METRNL: variants seen among roughly 807,000 people sequenced by gnomAD.
The protein encoded by METRNL is meteorin-like protein.
Under a neutral mutation model 17.4 loss-of-function variants are expected in METRNL, and 9 were observed. That is an observed-to-expected ratio of 0.52 (90% CI 0.31 to 0.90). The LOEUF (loss-of-function observed/expected upper bound fraction) is 0.90, where lower values mean the gene tolerates loss of function less well. Ranked by LOEUF, METRNL falls within the 40% of genes least tolerant of loss-of-function variation. The pLI is 0.05. For synonymous variants in METRNL, 215 were observed against 199.3 expected (o/e 1.08, Z -0.66); for missense variants, 408 against 430.7 (o/e 0.95, Z 0.47).
chr17:83,079,819 C>A lies in METRNL; in HGVS notation c.4C>A (p.Arg2=). The A allele has an allele frequency of 7.2e-6, 7 of 972,392 alleles. No individual in the cohort carries two copies. Among genetic ancestry groups the A allele is most frequent in the Non-Finnish European group, 8.5e-6 (7 of 824,238 alleles). 60.2% of individuals were successfully genotyped at this position (972,392 alleles called of 1,614,324 possible). A position where few individuals can be genotyped will look rare whatever the true frequency, so the allele number is the denominator to read the frequency against. M[R]GAARAAWGRA... ...GCGGCGGAGCCGGCGCCAGAGCATG[C>A]GGGGCGCGGCGCGGGCGGCCTGGGG... The change falls in exon 1 of 4, where the codon CGG becomes AGG. Residue 2 remains arginine (R), a synonymous_variant. Transcript: ENST00000320095.
intron 2 of METRNL, 59 bp downstream of exon 2, chr17:83,085,382 G>A: frequency 6.7e-7 from 1 of 1,497,638 alleles, no homozygotes; most frequent in Non-Finnish European, 8.9e-7. Context: ...CTGGTGATGT[G>A]GCAGGTGTCT....
intron 2 of METRNL, among the ~76,000 whole-genome samples, chr17:83,091,529 C>A (rs1376543679): frequency 2.6e-5 from 4 of 152,240 alleles, no homozygotes; most frequent in Admixed American, 2.0e-4. Flanking sequence ...CCCAGAAGGC[C>A]TCTGAGCAGC....
chr17:83,081,925 T>C (rs2037994080), intron 1 of METRNL, among the ~76,000 whole-genome samples: 1 of 152,210 alleles, frequency 6.6e-6, no homozygotes. Flanking sequence ...TGTTTGTGAC[T>C]TTTTACCAGC....
intron 2 of METRNL, among the ~76,000 whole-genome samples, chr17:83,090,147 C>A (rs1240195758): frequency 6.8e-5 from 10 of 146,478 alleles, no homozygotes; most frequent in African/African-American, 2.5e-4. Flanking sequence ...CACCCCCGCC[C>A]CGCCCCAGGG....
chr17:83,080,846 C>A (rs1337823611), intron 1 of METRNL, among the ~76,000 whole-genome samples: 1 of 149,358 alleles, frequency 6.7e-6, no homozygotes, highest in Non-Finnish European at 1.5e-5. Context: ...GGTCCCGCTT[C>A]CCCTCGGCGC....
At chr17:83,083,458 G>A (rs1207518597) in intron 1 of METRNL, among the ~76,000 whole-genome samples, 2 of 152,260 alleles carry the variant, frequency 1.3e-5, no homozygotes, top group African/African-American at 4.8e-5. Context: ...CTGTAGCTGA[G>A]TGTATCAGCC....
chr17:83,093,455 T>C (rs1349738143), intron 3 of METRNL, among the ~76,000 whole-genome samples: 2 of 152,226 alleles, frequency 1.3e-5, no homozygotes, highest in African/African-American at 2.4e-5. Context: ...TTTTGGTGAC[T>C]GTCAAACATT....
At chr17:83,092,883 A>G (rs1221230731) in intron 2 of METRNL, among the ~76,000 whole-genome samples, 1 of 152,118 alleles carries the variant, frequency 6.6e-6, no homozygotes, top group Non-Finnish European at 1.5e-5. Context: ...ACATGTGCCC[A>G]TCATGGCCGA....
At chr17:83,083,209 C>T (rs983925568) in intron 1 of METRNL, among the ~76,000 whole-genome samples, 4 of 152,190 alleles carry the variant, frequency 2.6e-5, no homozygotes, top group African/African-American at 9.6e-5. Context: ...GCCGCCTGTC[C>T]CCAGCTGAGT....
chr17:83,091,292 TGG>T (rs2038133204), intron 2 of METRNL, among the ~76,000 whole-genome samples: 1 of 152,134 alleles, frequency 6.6e-6, no homozygotes, highest in Non-Finnish European at 1.5e-5. Context: ...GATACCTTAA[TGG>T]AAGCAAATGC....
intron 1 of METRNL, among the ~76,000 whole-genome samples, chr17:83,083,739 G>A (rs559981280): frequency 4.6e-5 from 7 of 152,268 alleles, no homozygotes; most frequent in South Asian, 4.1e-4. Context: ...AGTCACCAGC[G>A]GTAAATGCAA....
chr17:83,088,272 G>A (rs537060601), intron 2 of METRNL, among the ~76,000 whole-genome samples: 1 of 152,374 alleles, frequency 6.6e-6, no homozygotes, highest in African/African-American at 2.4e-5. Flanking sequence ...GCTTCCGGCC[G>A]TGCCCAGACC....
At chr17:83,088,354 C>T (rs1216827175) in intron 2 of METRNL, among the ~76,000 whole-genome samples, 1 of 152,216 alleles carries the variant, frequency 6.6e-6, no homozygotes, top group African/African-American at 2.4e-5. Flanking sequence ...GAAACGGGCA[C>T]CGTTCAGTGG....
intron 1 of METRNL, among the ~76,000 whole-genome samples, chr17:83,082,935 TC>T (rs1210592744): frequency 1.3e-5 from 2 of 152,236 alleles, no homozygotes; most frequent in East Asian, 3.8e-4. Flanking sequence ...TCTGGATGTT[TC>T]GGGAGAATGT....
rs953519002 is a variant in METRNL at position 83,079,756 on chromosome 17, T to G, written c.-60T>G. ...CCCCGCCCCCGCCCGGCTCGCCGGC[T>G]CCGGGGTCTGCTCCGGGGGTCGCGG... On this transcript the variant is annotated 5_prime_UTR_variant, in exon 1 of 4. Transcript: ENST00000320095. 1.2e-6 allele frequency: 1 copy of G among 837,610 alleles called. No individual in the cohort carries two copies. The highest frequency in any genetic ancestry group is 2.0e-5 in the African/African-American group (1 of 51,148). 51.9% of individuals were successfully genotyped at this position (837,610 alleles called of 1,614,324 possible).
In METRNL at chr17:83,094,393, G is replaced by C; in HGVS notation, c.754G>C (p.Gly252Arg). ...PVPEGDGHWQ[G>R]RVRTLLECGV... is the part of the protein sequence containing the mutation. ...GCCCGAGGGTGACGGCCACTGGCAGGGGCGCGTCAGGACGCTGCTGGAGTG... is the reference window on the plus strand; with the variant it reads ...GCCCGAGGGTGACGGCCACTGGCAGCGGCGCGTCAGGACGCTGCTGGAGTG... The change falls in exon 4 of 4, where the codon GGG becomes CGG. Residue 252 changes from glycine to arginine, a missense_variant. By Grantham distance (125) the Gly-to-Arg change is moderately radical (BLOSUM62 -2). Transcript: ENST00000320095. 6.2e-7 allele frequency: 1 copy of C among 1,610,384 alleles called. No homozygotes were observed. Among genetic ancestry groups the C allele is most frequent in the Non-Finnish European group, 8.5e-7 (1 of 1,178,308 alleles).
In METRNL at chr17:83,079,786, G is replaced by T. The variant is rs988306029; in HGVS notation, c.-30G>T. ...GGTCTGCTCCGGGGGTCGCGGACGC[G>T]GGGCCGGGCGGCGGAGCCGGCGCCA... is the stretch of plus-strand genomic sequence containing the variant. On this transcript the variant is annotated 5_prime_UTR_variant, in exon 1 of 4. Coordinates refer to ENST00000320095, the MANE Select transcript of METRNL (RefSeq NM_001004431.3). 3 of 962,476 alleles carry T rather than the reference G, an allele frequency of 3.1e-6. No individual in the cohort carries two copies. Among genetic ancestry groups the T allele is most frequent in the South Asian group, 9.9e-5 (2 of 20,144 alleles). The allele number at this position is 962,476 out of a possible 1,614,324, so 59.6% of individuals were successfully genotyped here.
chr17:83,084,078 T>C (rs939839683), intron 1 of METRNL: 1 of 152,210 alleles, frequency 6.6e-6, no homozygotes, highest in Non-Finnish European at 1.5e-5. Context: ...TTTTTTTCTG[T>C]TTAGCATGTA....
chr17:83,089,696 C>T (rs7405511), intron 2 of METRNL, among the ~76,000 whole-genome samples: 66,564 of 151,986 alleles, frequency 0.44, 14,960 homozygotes, highest in East Asian at 0.64. Context: ...CAGCGCGTTC[C>T]GCAGCCTTTA....
Sources: gnomAD v4.1 joint callset for allele counts (sites outside exome capture counted in the v4.1 genomes callset) on GRCh38, gnomAD v4.1.1 for gene constraint, MANE v1.5 for transcripts, NCBI Gene and HGNC (gene_info 2026-07-23, HGNC 2026-07-21) for gene names.